ETV4: variants seen among roughly 807,000 people sequenced by gnomAD.
ETV4 encodes ETS translocation variant 4.
Under a neutral mutation model 65.9 loss-of-function variants are expected in ETV4, and 42 were observed. That is an observed-to-expected ratio of 0.64 (90% confidence interval 0.50 to 0.82). The LOEUF (loss-of-function observed/expected upper bound fraction) is 0.82. Among genes scored for constraint, ETV4 ranks in the 40% least tolerant of loss-of-function variants. The pLI is 0.00. For synonymous variants in ETV4, 238 were observed against 260.0 expected, an observed-to-expected ratio of 0.92 and a Z score of 0.81; for missense variants, 583 against 630.3, an observed-to-expected ratio of 0.92 and a Z score of 0.80.
At chr17:43,543,850 T>C (rs1971655162) in intron 4 of ETV4, 1 of 152,098 alleles carries the variant, frequency 6.6e-6, no homozygotes, top group Non-Finnish European at 1.5e-5. Context: ...ACATATATAT[T>C]TTTAGAATAT....
intron 12 of ETV4, 22 bp downstream of exon 12, chr17:43,529,113 T>A: frequency 1.2e-6 from 2 of 1,611,458 alleles, no homozygotes; most frequent in Non-Finnish European, 1.7e-6. Flanking sequence ...CACCACCTTG[T>A]CCCTAGACCC....
At chr17:43,530,083 G>A (rs776505043) in intron 9 of ETV4, 24 bp downstream of exon 9, 3 of 1,608,360 alleles carry the variant, frequency 1.9e-6, no homozygotes, top group Non-Finnish European at 2.5e-6. Context: ...GGAGGGCTTG[G>A]CAGGGGAAGG....
intron 5 of ETV4, among the ~76,000 whole-genome samples, chr17:43,535,540 G>A (rs1253705520): frequency 6.6e-6 from 1 of 152,148 alleles, no homozygotes; most frequent in Non-Finnish European, 1.5e-5. Context: ...GCCTCCCAAA[G>A]TGCTGGGATT....
At chr17:43,529,757 C>G (rs1164820350) in intron 10 of ETV4, 81 bp from the exon 11 acceptor site, 16 of 1,590,012 alleles carry the variant, frequency 1.0e-5, no homozygotes, top group Non-Finnish European at 1.0e-5. Context: ...AGGGATTTCT[C>G]GAAGGGGTCT....
Position 43,528,696 on chromosome 17 carries a change from G to A in ETV4, c.1278C>T (p.Ala426=). 1 of 1,614,136 alleles carries A rather than the reference G, an allele frequency of 6.2e-7. No individual in the cohort carries two copies. ...YVYKFVCEPE[A]LFSLAFPDNQ... is the part of the protein sequence containing the mutation. The stretch of plus-strand genomic sequence containing the variant: ...TGTCCGGGAAGGCCAAAGAGAAGAG[G>A]GCCTCGGGCTCACACACAAACTTGT... Residue 426 remains alanine (A), a synonymous_variant, in exon 13 of 13, where the codon GCC becomes GCT. Coordinates refer to ENST00000319349, the MANE Select transcript of ETV4 (RefSeq NM_001079675.5).
At position 43,532,713 on chromosome 17, in the gene ETV4, C is replaced by A; in HGVS notation, c.772G>T (p.Val258Leu). ...AAGTCCGTCTGTTCCTGTTTGATCA[C>A]CACCCCCGCCCCTGGGTACCTGTGC... ...NGHRYPGAGV[V>L]IKQEQTDFAY... The change falls in exon 8 of 13, where the codon GTG (valine) becomes TTG (leucine). Residue 258 changes from valine to leucine, a missense_variant. Physicochemically the swap from Val to Leu is conservative, Grantham distance 32. Transcript: ENST00000319349. The A allele has an allele frequency of 6.2e-7, 1 of 1,613,816 alleles. No homozygotes were observed. Among genetic ancestry groups the A allele is most frequent in the Admixed American group, 1.7e-5 (1 of 59,968 alleles).
intron 8 of ETV4, among the ~76,000 whole-genome samples, chr17:43,532,391 C>T (rs534997024): frequency 6.6e-5 from 10 of 151,788 alleles, no homozygotes; most frequent in East Asian, 3.9e-4. Context: ...CCCAGGTACT[C>T]GGGAGGCTGA....
intron 4 of ETV4, among the ~76,000 whole-genome samples, chr17:43,540,855 A>G (rs1322812541): frequency 1.3e-5 from 2 of 152,120 alleles, no homozygotes. Flanking sequence ...CTAGGCAAGA[A>G]GGGTCCCAAG....
chr17:43,529,789 TC>T, intron 10 of ETV4, 94 bp downstream of exon 10: 1 of 1,598,534 alleles, frequency 6.3e-7, no homozygotes, highest in Non-Finnish European at 8.6e-7. Flanking sequence ...TTTCTATGGG[TC>T]CCACCCTCTT....
rs1163096208 is a variant in ETV4 at position 43,533,896 on chromosome 17, G to A, written c.346C>T (p.Leu116Phe). 1 of 1,598,002 alleles carries A rather than the reference G, an allele frequency of 6.3e-7. No homozygotes were observed. Among genetic ancestry groups the A allele is most frequent in the Admixed American group, 1.8e-5 (1 of 56,540 alleles). The change falls in exon 6 of 13, where the codon CTC becomes TTC. Residue 116 changes from leucine (L) to phenylalanine (F), a missense_variant. Leu to Phe is a conservative substitution (Grantham distance 22). Transcript: ENST00000319349. ...PALSCSRKPP[L>F]PYHHGEQCLY... The stretch of plus-strand genomic sequence containing the variant: ...CACTGCTCGCCATGGTGGTAGGGGA[G>A]TGGCGGCTTCCTGCTGCAGGACAGG...
At chr17:43,531,435 T>A (rs1177100610) in intron 8 of ETV4, among the ~76,000 whole-genome samples, 1 of 152,192 alleles carries the variant, frequency 6.6e-6, no homozygotes, top group African/African-American at 2.4e-5. Context: ...TCCTCTGCCC[T>A]TGCCTCTGGC....
chr17:43,529,262 G>A, intron 11 of ETV4, 26 bp from the exon 12 acceptor site: 3 of 1,609,742 alleles, frequency 1.9e-6, no homozygotes, highest in Non-Finnish European at 2.6e-6. Flanking sequence ...TTTTGGGGTA[G>A]AGATGCTACC....
intron 8 of ETV4, among the ~76,000 whole-genome samples, chr17:43,531,541 T>G (rs575638717): frequency 6.6e-6 from 1 of 152,250 alleles, no homozygotes; most frequent in South Asian, 2.1e-4. Context: ...CCGTCTCTAC[T>G]AAAAATACAA....
chr17:43,545,745 G>T lies in ETV4; in HGVS notation c.-51-77C>A, dbSNP rs1192049223. 5 of 761,696 alleles carry T rather than the reference G, an allele frequency of 6.6e-6. No homozygotes were observed. The Admixed American group carries it at 1.1e-4, about 16-fold the overall frequency. 47.2% of individuals were successfully genotyped at this position (761,696 alleles called of 1,614,324 possible). On this transcript the variant is annotated intron_variant, in intron 1 of 12. Coordinates refer to ENST00000319349, the MANE Select transcript of ETV4 (RefSeq NM_001079675.5). ...GGGGCGGGGAGGGGGCAGTCCCAAG[G>T]CTCTGGGTCCGACGGCGAAACTTCT...
At chr17:43,543,911 C>T (rs921761053) in intron 4 of ETV4, 3 of 152,090 alleles carry the variant, frequency 2.0e-5, no homozygotes, top group African/African-American at 7.2e-5. Context: ...AGTCAGGGGT[C>T]ATTTTCTTTT....
intron 4 of ETV4, among the ~76,000 whole-genome samples, chr17:43,543,045 A>G (rs560213835): frequency 9.3e-4 from 141 of 152,184 alleles, no homozygotes; most frequent in Non-Finnish European, 1.5e-3. Context: ...CGGCAGCTGC[A>G]TCTGTCTCCG....
chr17:43,532,755 G>C lies in ETV4; in HGVS notation c.730C>G (p.Gln244Glu). The part of the protein sequence containing the change: ...YEQAGQPAVD[Q>E]GGVNGHRYPG... ...TACCTGTGCCCATTGACCCCACCCT[G>C]GTCCACGGCTGGCTGGCCCGCCTGT... is the stretch of plus-strand genomic sequence containing the variant. Residue 244 changes from glutamine to glutamate, a missense_variant, in exon 8 of 13, where the codon CAG becomes GAG. Gln to Glu is a conservative substitution (Grantham distance 29, BLOSUM62 2). Coordinates refer to ENST00000319349, the MANE Select transcript of ETV4 (RefSeq NM_001079675.5). 1 of 1,613,982 alleles carries C rather than the reference G, an allele frequency of 6.2e-7. No homozygotes were observed. The highest frequency in any genetic ancestry group is 8.5e-7 in the Non-Finnish European group (1 of 1,179,992).
At chr17:43,533,377 G>T (rs1057303024) in intron 6 of ETV4, 29 bp from the exon 7 acceptor site, 1 of 1,595,710 alleles carries the variant, frequency 6.3e-7, no homozygotes, top group African/African-American at 1.3e-5. Flanking sequence ...CAGGGGTGAG[G>T]GGGCAGAGAA....
rs916145943 is a variant in ETV4 at position 43,545,177 on chromosome 17, G to A, written c.154+97C>T. On this transcript the variant is annotated intron_variant, in intron 3 of 12. Coordinates refer to ENST00000319349, the MANE Select transcript of ETV4 (RefSeq NM_001079675.5). ...GGCGAGTTTTTTGGGGAAACAGGCG[G>A]GGGTTCCAGAATCGGCCGTGTGTGT... 1.8e-5 allele frequency: 22 copies of A among 1,241,668 alleles called. No individual in the cohort carries two copies. The African/African-American group carries it at 2.4e-4, about 14-fold the overall frequency. The allele number at this position is 1,241,668 out of a possible 1,614,324, so 76.9% of individuals were successfully genotyped here.
Sources: allele counts gnomAD v4.1 joint callset (sites outside exome capture counted in the v4.1 genomes callset), GRCh38; gene constraint gnomAD v4.1.1; transcripts MANE v1.5; gene names NCBI Gene and HGNC (gene_info 2026-07-23, HGNC 2026-07-21).